HIVEP3: variants seen among roughly 807,000 people sequenced by gnomAD.
HIVEP3 encodes transcription factor HIVEP3.
Under a neutral mutation model 152.8 loss-of-function variants are expected in HIVEP3, and 49 were observed. The ratio of observed to expected loss-of-function variants is 0.32; its 90% CI spans 0.26 to 0.41. HIVEP3 has a LOEUF of 0.41. Among genes scored for constraint, HIVEP3 ranks in the 10% least tolerant of loss-of-function variants. The pLI, the probability that HIVEP3 is intolerant of heterozygous loss-of-function variation, is 1.00. For missense variants in HIVEP3, 2,790 were observed against 3,103.3 expected (o/e 0.90, Z 2.40); for synonymous variants, 1,269 against 1,289.0 (o/e 0.98, Z 0.33).
At chr1:41,672,404 C>T (rs1046997355) in intron 2 of HIVEP3, among the ~76,000 whole-genome samples, 14 of 152,190 alleles carry the variant, frequency 9.2e-5, no homozygotes, top group African/African-American at 1.7e-4. Flanking sequence ...TTTGCTTCTC[C>T]GGCCTCAGCT....
At chr1:41,601,533 T>G (rs1213078250) in intron 3 of HIVEP3, among the ~76,000 whole-genome samples, 1 of 152,162 alleles carries the variant, frequency 6.6e-6, no homozygotes, top group Non-Finnish European at 1.5e-5. Flanking sequence ...ATTTTTCTAA[T>G]TTTCTTTTCA....
At chr1:41,970,714 AG>A (rs1405248954) in intron 1 of HIVEP3, among the ~76,000 whole-genome samples, 1 of 152,224 alleles carries the variant, frequency 6.6e-6, no homozygotes, top group Non-Finnish European at 1.5e-5. Flanking sequence ...ATTAAATGGA[AG>A]ATGAGCTCAT....
chr1:41,717,223 A>G (rs926714390), intron 1 of HIVEP3, among the ~76,000 whole-genome samples: 3 of 151,472 alleles, frequency 2.0e-5, no homozygotes, highest in Non-Finnish European at 4.4e-5. Context: ...GGAGGATCCC[A>G]TGGAGCTTGC....
chr1:41,660,906 C>A (rs61394659), intron 2 of HIVEP3, among the ~76,000 whole-genome samples: 8 of 152,142 alleles, frequency 5.3e-5, no homozygotes, highest in Non-Finnish European at 7.4e-5. Context: ...CCACTGAACA[C>A]ACTGGGAAAA....
At chr1:41,965,230 C>A (rs7340013) in intron 1 of HIVEP3, among the ~76,000 whole-genome samples, 2 of 152,106 alleles carry the variant, frequency 1.3e-5, no homozygotes, top group African/African-American at 4.8e-5. Flanking sequence ...CAAAAAAGAT[C>A]CCACAAAACC....
At chr1:41,529,907 A>C (rs1643191671) in intron 5 of HIVEP3, among the ~76,000 whole-genome samples, 1 of 97,158 alleles carries the variant, frequency 1.0e-5, no homozygotes, top group Non-Finnish European at 2.1e-5. Flanking sequence ...AATCAAACCC[A>C]CACACCAACA....
intron 2 of HIVEP3, among the ~76,000 whole-genome samples, chr1:41,630,672 A>G (rs1645182063): frequency 6.6e-6 from 1 of 152,200 alleles, no homozygotes; most frequent in South Asian, 2.1e-4. Context: ...GAGCTTGGAA[A>G]GCAGAATGTT....
chr1:41,739,048 C>A (rs540455327), intron 1 of HIVEP3, among the ~76,000 whole-genome samples: 1 of 152,256 alleles, frequency 6.6e-6, no homozygotes, highest in Non-Finnish European at 1.5e-5. Flanking sequence ...ATTCCCTCGG[C>A]CACCCACTGC....
chr1:41,728,046 G>C (rs1477327531), intron 1 of HIVEP3, among the ~76,000 whole-genome samples: 1 of 152,154 alleles, frequency 6.6e-6, no homozygotes, highest in Non-Finnish European at 1.5e-5. Flanking sequence ...TGTTGAACAA[G>C]AATGCATCAA....
At chr1:41,791,127 C>T (rs1415083795) in intron 1 of HIVEP3, among the ~76,000 whole-genome samples, 8 of 86,846 alleles carry the variant, frequency 9.2e-5, no homozygotes, top group African/African-American at 5.3e-4. Context: ...TGTGTACACA[C>T]ACACACACAC....
At chr1:41,708,960 G>A (rs564880113) in intron 1 of HIVEP3, among the ~76,000 whole-genome samples, 72 of 152,156 alleles carry the variant, frequency 4.7e-4, no homozygotes, top group Non-Finnish European at 8.7e-4. Context: ...TCTGGTCAGC[G>A]GGGTAAATTA....
intron 1 of HIVEP3, among the ~76,000 whole-genome samples, chr1:41,960,566 C>T (rs1159270705): frequency 6.6e-6 from 1 of 152,342 alleles, no homozygotes; most frequent in South Asian, 2.1e-4. Context: ...AAGGATTACA[C>T]TGAAGCCAGA....
chr1:42,019,078 T>C (rs1645539524), intron 1 of HIVEP3, among the ~76,000 whole-genome samples: 1 of 152,044 alleles, frequency 6.6e-6, no homozygotes, highest in African/African-American at 2.4e-5. Flanking sequence ...AAAAATTATA[T>C]TTCCTCCCCA....
At chr1:41,678,155 TC>T (rs1645984674) in intron 2 of HIVEP3, among the ~76,000 whole-genome samples, 1 of 152,218 alleles carries the variant, frequency 6.6e-6, no homozygotes, top group Admixed American at 6.5e-5. Context: ...AAGGCGATTC[TC>T]CTCTGTTGTT....
At chr1:41,882,266 G>C (rs766775157) in intron 1 of HIVEP3, among the ~76,000 whole-genome samples, 3 of 152,172 alleles carry the variant, frequency 2.0e-5, no homozygotes, top group Non-Finnish European at 1.5e-5. Context: ...AAACAGCTGC[G>C]AGCTGCACGC....
At chr1:41,613,989 C>A (rs112147695) in intron 3 of HIVEP3, among the ~76,000 whole-genome samples, 1 of 152,208 alleles carries the variant, frequency 6.6e-6, no homozygotes, top group Non-Finnish European at 1.5e-5. Flanking sequence ...TCAGTGTTTC[C>A]TGGTGTTTCT....
chr1:41,589,253 G>T (rs2149113798), intron 3 of HIVEP3, among the ~76,000 whole-genome samples: 1 of 152,292 alleles, frequency 6.6e-6, no homozygotes, highest in Admixed American at 6.5e-5. Context: ...TCTACTGATG[G>T]TCACAGAATG....
chr1:41,970,992 T>C (rs560966860), intron 1 of HIVEP3, among the ~76,000 whole-genome samples: 8 of 152,308 alleles, frequency 5.3e-5, no homozygotes, highest in Non-Finnish European at 1.0e-4. Flanking sequence ...GTTTCTGTTG[T>C]ATATAGATTT....
chr1:41,753,842 G>A (rs1014173716), intron 1 of HIVEP3, among the ~76,000 whole-genome samples: 1 of 152,120 alleles, frequency 6.6e-6, no homozygotes, highest in Non-Finnish European at 1.5e-5. Flanking sequence ...TACAGCAGCC[G>A]GTGAATGAAT....
Sources: allele counts gnomAD v4.1 joint callset (sites outside exome capture counted in the v4.1 genomes callset), GRCh38; gene constraint gnomAD v4.1.1; transcripts MANE v1.5; gene names NCBI Gene and HGNC (gene_info 2026-07-23, HGNC 2026-07-21).